The following TRIM26 variants were observed in gnomAD, a reference collection of about 807,000 sequenced individuals.
The protein encoded by TRIM26 is tripartite motif-containing protein 26.
A neutral mutation model predicts 45.5 loss-of-function variants in TRIM26; 16 were observed. That is an observed-to-expected ratio of 0.35 (90% CI 0.24 to 0.53). The LOEUF is 0.53. Among genes scored for constraint, TRIM26 ranks in the 20% least tolerant of loss-of-function variants. TRIM26 has a pLI of 0.92. For synonymous variants in TRIM26, 273 were observed against 290.4 expected, an observed-to-expected ratio of 0.94 and a Z score of 0.61; for missense variants, 442 against 691.1, an observed-to-expected ratio of 0.64 and a Z score of 4.04.
At chr6:30,199,455 T>C (rs929488765) in intron 3 of TRIM26, among the ~76,000 whole-genome samples, 191 bp from the exon 4 acceptor site, 4 of 152,146 alleles carry the variant, frequency 2.6e-5, no homozygotes, top group African/African-American at 9.7e-5. Context: ...GGAAAATCGC[T>C]GTAATGCACC....
intron 2 of TRIM26, among the ~76,000 whole-genome samples, chr6:30,203,127 T>C (rs1170994276): frequency 1.2e-4 from 18 of 147,224 alleles, no homozygotes; most frequent in African/African-American, 4.5e-4. Context: ...CACTGCAACC[T>C]CGGCCTCCCT....
chr6:30,201,698 T>C (rs2284166), intron 2 of TRIM26, among the ~76,000 whole-genome samples: 35,469 of 151,810 alleles, frequency 0.23, 4,698 homozygotes, highest in African/African-American at 0.35. Flanking sequence ...ACAAAAATTA[T>C]CCAGGTGTGG....
chr6:30,209,074 T>C lies in TRIM26; in HGVS notation c.-376+4231A>G, dbSNP rs1778024277. 6.6e-6 allele frequency among the ~76,000 whole-genome samples: 1 copy of C among 152,104 alleles called. No homozygotes were observed. Among genetic ancestry groups the C allele is most frequent in the South Asian group, 2.1e-4 (1 of 4,830 alleles). The stretch of plus-strand genomic sequence containing the variant: ...AGTAAATGTTGTAAATGTTTATCTT[T>C]GGGGAGAGAAGGGGAAGGGCCCACC... On this transcript the variant is annotated intron_variant, in intron 1 of 9. Transcript: ENST00000454678. The surrounding 1 kb of genome is among the most constrained non-coding windows in gnomAD (Gnocchi z 4.8).
In TRIM26 at chr6:30,188,212, C is replaced by T. The variant is rs1293448737; in HGVS notation, c.937+955G>A. ...TCCAGCCTGGGCGACAGCGAGACTC[C>T]GTCTCAAAAAAAAAAAAAAAAAAAA... On this transcript the variant is annotated intron_variant, in intron 9 of 9. Coordinates refer to ENST00000454678, the MANE Select transcript of TRIM26 (RefSeq NM_003449.5). 1.4e-4 allele frequency: 6 copies of T among 42,978 alleles called. 1 individual carries two copies. The highest frequency in any genetic ancestry group is 3.7e-5 in the Non-Finnish European group (1 of 26,898). 2.7% of individuals were successfully genotyped at this position (42,978 alleles called of 1,614,324 possible). A position where few individuals can be genotyped will look rare whatever the true frequency, so the allele number is the denominator to read the frequency against.
chr6:30,201,970 G>C (rs1442970443), intron 2 of TRIM26, among the ~76,000 whole-genome samples: 1 of 152,230 alleles, frequency 6.6e-6, no homozygotes, highest in Non-Finnish European at 1.5e-5. Context: ...TTTGGAAAGA[G>C]GAAAAAGGAG....
At position 30,186,046 on chromosome 6, in the gene TRIM26, G is replaced by A. The variant is rs1489321470; in HGVS notation, c.1450C>T (p.Leu484=). 8 of 1,604,598 alleles carry A rather than the reference G, an allele frequency of 5.0e-6. No homozygotes were observed. Among genetic ancestry groups the A allele is most frequent in the Non-Finnish European group, 6.8e-6 (8 of 1,176,070 alleles). ...TSPEAELFPA[L]RPRRVGIALD... is the part of the protein sequence containing the mutation. Reference sequence around the variant, plus strand: ...GCGATGCCCACTCTCCGGGGCCGCAGTGCTGGGAAAAGCTCAGCCTCGGGG... The same window carrying A: ...GCGATGCCCACTCTCCGGGGCCGCAATGCTGGGAAAAGCTCAGCCTCGGGG... The change falls in exon 10 of 10, where the codon CTG becomes TTG. Residue 484 remains leucine (L), a synonymous_variant. Transcript: ENST00000454678. The surrounding 1 kb of genome is among the most constrained non-coding windows in gnomAD (Gnocchi z 7.4).
At chr6:30,187,877 C>T (rs1775354399) in intron 9 of TRIM26, among the ~76,000 whole-genome samples, 1 of 136,300 alleles carries the variant, frequency 7.3e-6, no homozygotes, top group Admixed American at 7.7e-5. Flanking sequence ...GAGATCACAC[C>T]ACTACACTCC....
At chr6:30,194,962 G>C (rs1421983674) in intron 6 of TRIM26, among the ~76,000 whole-genome samples, 2 of 152,080 alleles carry the variant, frequency 1.3e-5, no homozygotes, top group Non-Finnish European at 2.9e-5. Context: ...AAAATTAAAA[G>C]AGAAAACACA....
intron 6 of TRIM26, among the ~76,000 whole-genome samples, chr6:30,191,223 G>A (rs1005968153): frequency 6.6e-6 from 1 of 152,152 alleles, no homozygotes; most frequent in African/African-American, 2.4e-5. Context: ...GTGACAGACA[G>A]GTGGTAGGGC....
rs1298035536 is a variant in TRIM26 at position 30,186,221 on chromosome 6, T to C, written c.1275A>G (p.Glu425=). 1.3e-6 allele frequency: 2 copies of C among 1,597,464 alleles called. No homozygotes were observed. Among genetic ancestry groups the C allele is most frequent in the Non-Finnish European group, 1.7e-6 (2 of 1,171,798 alleles). The change falls in exon 10 of 10, where the codon GAA becomes GAG. Residue 425 remains glutamate, a synonymous_variant. Coordinates refer to ENST00000454678, the MANE Select transcript of TRIM26 (RefSeq NM_003449.5). This position sits in a 1 kb window ranked among gnomAD's most constrained non-coding sequence, Gnocchi z 7.4. The stretch of plus-strand genomic sequence containing the variant: ...GAACTTCCTCCTCTTCCTCCTCCTC[T>C]TCTTCCTCTTCATCGCCCAACGATT... The part of the protein sequence containing the change: ...DEESLGDEEE[E]EEEEEEEVLE...
chr6:30,197,873 T>C lies in TRIM26; in HGVS notation c.534+556A>G, dbSNP rs144417801. On this transcript the variant is annotated intron_variant, in intron 5 of 9. Coordinates refer to ENST00000454678, the MANE Select transcript of TRIM26 (RefSeq NM_003449.5). Reference sequence around the variant, plus strand: ...TATTTCTGATCCATGGTTGGGTAAATTCGCCGCTACGGAACCCACAGATAT... The same window carrying C: ...TATTTCTGATCCATGGTTGGGTAAACTCGCCGCTACGGAACCCACAGATAT... 3.6e-3 allele frequency among the ~76,000 whole-genome samples: 552 copies of C among 152,180 alleles called. 5 individuals are homozygous for C. Among genetic ancestry groups the C allele is most frequent in the Non-Finnish European group, 5.7e-3 (386 of 67,998 alleles).
chr6:30,200,249 T>G (rs1777021413), intron 3 of TRIM26, among the ~76,000 whole-genome samples: 1 of 152,024 alleles, frequency 6.6e-6, no homozygotes, highest in South Asian at 2.1e-4. Context: ...ACTACTACAC[T>G]CCAGACTGGG....
rs993991361 is a variant in TRIM26 at position 30,209,412 on chromosome 6, T to C, written c.-376+3893A>G. ...CACGTGTTGGAAACGTAATTGCCAATGTAACGGTATTAAGAGGTGGGGTCT... is the reference window on the plus strand; with the variant it reads ...CACGTGTTGGAAACGTAATTGCCAACGTAACGGTATTAAGAGGTGGGGTCT... On this transcript the variant is annotated intron_variant, in intron 1 of 9. Transcript: ENST00000454678. The surrounding 1 kb of genome is among the most constrained non-coding windows in gnomAD (Gnocchi z 4.8). 6.6e-6 allele frequency among the ~76,000 whole-genome samples: 1 copy of C among 152,174 alleles called. No homozygotes were observed. Among genetic ancestry groups the C allele is most frequent in the Non-Finnish European group, 1.5e-5 (1 of 68,018 alleles).
Position 30,186,729 on chromosome 6 carries a change from G to T in TRIM26, c.938-171C>A. 1 of 1,044,230 alleles carries T rather than the reference G, an allele frequency of 9.6e-7. No homozygotes were observed. The highest frequency in any genetic ancestry group is 1.4e-6 in the Non-Finnish European group (1 of 731,964). 64.7% of individuals were successfully genotyped at this position (1,044,230 alleles called of 1,614,324 possible). A position where few individuals can be genotyped will look rare whatever the true frequency, so the allele number is the denominator to read the frequency against. On this transcript the variant is annotated intron_variant, in intron 9 of 9. Coordinates refer to ENST00000454678, the MANE Select transcript of TRIM26 (RefSeq NM_003449.5). This position sits in a 1 kb window ranked among gnomAD's most constrained non-coding sequence, Gnocchi z 7.4. ...TGGTATAAGTGTGACACATTTTCTGGCTTTGTATTCTGCTAAATCACCATA... is the reference window on the plus strand; with the variant it reads ...TGGTATAAGTGTGACACATTTTCTGTCTTTGTATTCTGCTAAATCACCATA...
chr6:30,192,953 A>T (rs1025132102), intron 6 of TRIM26, among the ~76,000 whole-genome samples: 9 of 151,104 alleles, frequency 6.0e-5, no homozygotes, highest in African/African-American at 2.2e-4. Flanking sequence ...GTTGAAAATC[A>T]GTTGGCTGTA....
rs927584555 is a variant in TRIM26 at position 30,185,809 on chromosome 6, T to C, written c.*67A>G. On this transcript the variant is annotated 3_prime_UTR_variant, in exon 10 of 10. Coordinates refer to ENST00000454678, the MANE Select transcript of TRIM26 (RefSeq NM_003449.5). The surrounding 1 kb of genome is among the most constrained non-coding windows in gnomAD (Gnocchi z 5.7). ...TTAGGCCAGGCATCCCGTCCCCCCATTGAGAGTCCTGGAATTCCAAAGAAG... is the reference window on the plus strand; with the variant it reads ...TTAGGCCAGGCATCCCGTCCCCCCACTGAGAGTCCTGGAATTCCAAAGAAG... 8 of 1,528,512 alleles carry C rather than the reference T, an allele frequency of 5.2e-6. No homozygotes were observed. The Admixed American group carries it at 5.8e-5, about 11-fold the overall frequency. The allele number at this position is 1,528,512 out of a possible 1,614,324, so 94.7% of individuals were successfully genotyped here.
In TRIM26 at chr6:30,189,823, C is replaced by G. The variant is rs1269083943; in HGVS notation, c.788+190G>C. The G allele has an allele frequency of 1.7e-6, 1 of 595,776 alleles. No homozygotes were observed. Among genetic ancestry groups the G allele is most frequent in the East Asian group, 2.9e-5 (1 of 34,352 alleles). 36.9% of individuals were successfully genotyped at this position (595,776 alleles called of 1,614,324 possible). Reference sequence around the variant, plus strand: ...AAGGAGCTGGGGCTACACAGAGAACCATAAGGAGGAGAGCAAGTCTCCAGT... The same window carrying G: ...AAGGAGCTGGGGCTACACAGAGAACGATAAGGAGGAGAGCAAGTCTCCAGT... On this transcript the variant is annotated intron_variant, in intron 7 of 9. Transcript: ENST00000454678. This position sits in a 1 kb window ranked among gnomAD's most constrained non-coding sequence, Gnocchi z 5.0.
In TRIM26 at chr6:30,186,380, C is replaced by T. The variant is rs780064147; in HGVS notation, c.1116G>A (p.Val372=). 4 of 1,612,306 alleles carry T rather than the reference C, an allele frequency of 2.5e-6. No individual in the cohort carries two copies. Among genetic ancestry groups the T allele is most frequent in the Non-Finnish European group, 3.4e-6 (4 of 1,179,638 alleles). The change falls in exon 10 of 10, where the codon GTG becomes GTA. Residue 372 remains valine, a synonymous_variant. Transcript: ENST00000454678. The surrounding 1 kb of genome is among the most constrained non-coding windows in gnomAD (Gnocchi z 7.4). ...CAGACCAGCCCTCCCTCTCCACTTCCACTTCCCAGTAGACCTTGCCCCAGG... is the reference window on the plus strand; with the variant it reads ...CAGACCAGCCCTCCCTCTCCACTTCTACTTCCCAGTAGACCTTGCCCCAGG... ...GFTWGKVYWE[V]EVEREGWSED... is the part of the protein sequence containing the mutation.
chr6:30,198,384 A>G lies in TRIM26; in HGVS notation c.534+45T>C, dbSNP rs1278632601. On this transcript the variant is annotated intron_variant, in intron 5 of 9. Transcript: ENST00000454678. This position sits in a 1 kb window ranked among gnomAD's most constrained non-coding sequence, Gnocchi z 6.3. ...TACTTGCCCAGGCTCACCCTGCCCT[A>G]CACGGGCGCACCGCCTCAGGGCTTC... is the stretch of plus-strand genomic sequence containing the variant. The G allele has an allele frequency of 5.6e-6, 9 of 1,607,126 alleles. No individual in the cohort carries two copies. The highest frequency in any genetic ancestry group is 7.7e-6 in the Non-Finnish European group (9 of 1,175,808).
Sources: gnomAD v4.1 joint callset for allele counts (sites outside exome capture counted in the v4.1 genomes callset) on GRCh38, gnomAD v4.1.1 for gene constraint, Gnocchi (gnomAD v3.1) non-coding constraint, MANE v1.5 for transcripts, NCBI Gene and HGNC (gene_info 2026-07-23, HGNC 2026-07-21) for gene names.